Variants in CAB39L observed in about 807,000 individuals in gnomAD.
CAB39L encodes calcium binding protein 39 like, also known as calcium-binding protein 39-like.
In CAB39L, 23 loss-of-function variants were observed where a neutral mutation model predicts 39.1. The observed-to-expected ratio is 0.59, with a 90% CI of 0.42 to 0.83. The LOEUF (loss-of-function observed/expected upper bound fraction) is 0.83. CAB39L is among the 40% of genes least tolerant of loss of function. The pLI is 0.00. For missense variants in CAB39L, 366 were observed against 391.9 expected, an observed-to-expected ratio of 0.93 and a Z score of 0.56; for synonymous variants, 126 against 137.2, an observed-to-expected ratio of 0.92 and a Z score of 0.57.
At chr13:49,321,484 C>T (rs1381122122) in intron 10 of CAB39L, among the ~76,000 whole-genome samples, 1 of 152,092 alleles carries the variant, frequency 6.6e-6, no homozygotes, top group Non-Finnish European at 1.5e-5. Context: ...ACAATTTTTC[C>T]CCAATCTCCA....
intron 9 of CAB39L, among the ~76,000 whole-genome samples, chr13:49,333,732 C>A (rs986550313): frequency 1.3e-5 from 2 of 151,746 alleles, no homozygotes; most frequent in African/African-American, 2.4e-5. Flanking sequence ...CCACCATGCC[C>A]GGCTAATTTT....
chr13:49,344,734 G>A (rs936940384), intron 7 of CAB39L, among the ~76,000 whole-genome samples: 1 of 152,068 alleles, frequency 6.6e-6, no homozygotes, highest in Non-Finnish European at 1.5e-5. Context: ...GTGTTAGCCA[G>A]GATGGTCTCG....
chr13:49,334,994 G>T (rs1021794717), intron 9 of CAB39L, among the ~76,000 whole-genome samples: 1 of 152,104 alleles, frequency 6.6e-6, no homozygotes, highest in African/African-American at 2.4e-5. Context: ...CAAATAGTTG[G>T]AAAAGGGCAC....
chr13:49,342,773 G>C (rs1223826234), intron 8 of CAB39L, among the ~76,000 whole-genome samples: 2 of 152,114 alleles, frequency 1.3e-5, no homozygotes, highest in East Asian at 3.8e-4. Flanking sequence ...TCCAAACTGA[G>C]ATGTGCTGTA....
intron 6 of CAB39L, among the ~76,000 whole-genome samples, chr13:49,356,974 G>C (rs528436765): frequency 1.3e-5 from 2 of 151,920 alleles, no homozygotes; most frequent in African/African-American, 4.8e-5. Context: ...GCTTGAACCT[G>C]GGAGGGAGAG....
At chr13:49,424,420 A>C (rs892895954) in intron 3 of CAB39L, among the ~76,000 whole-genome samples, 3 of 152,216 alleles carry the variant, frequency 2.0e-5, no homozygotes, top group South Asian at 2.1e-4. Flanking sequence ...GGTCATAAAA[A>C]ACAAGGAACG....
At chr13:49,346,891 G>A (rs1289849093) in intron 7 of CAB39L, among the ~76,000 whole-genome samples, 2 of 152,094 alleles carry the variant, frequency 1.3e-5, no homozygotes, top group East Asian at 3.8e-4. Context: ...TGGTTGTATG[G>A]AATCCTTTTT....
intron 10 of CAB39L, among the ~76,000 whole-genome samples, chr13:49,326,547 T>C (rs2138372248): frequency 6.6e-6 from 1 of 152,312 alleles, no homozygotes; most frequent in Non-Finnish European, 1.5e-5. Flanking sequence ...CTTTGCACCC[T>C]ACGGAAGGTG....
intron 3 of CAB39L, among the ~76,000 whole-genome samples, chr13:49,430,822 G>A (rs1164927557): frequency 6.6e-6 from 1 of 152,118 alleles, no homozygotes; most frequent in African/African-American, 2.4e-5. Flanking sequence ...AGCCTAATTC[G>A]TAATTCCTGT....
chr13:49,396,099 A>AAAAAAAAAAAAC (rs1956617364), intron 3 of CAB39L, among the ~76,000 whole-genome samples: 1 of 151,052 alleles, frequency 6.6e-6, no homozygotes, highest in South Asian at 2.1e-4. Context: ...CTCTGTCTCA[A>AAAAAAAAAAAAC]AAAAAAAAAC....
chr13:49,398,210 T>C (rs574980640), intron 3 of CAB39L, among the ~76,000 whole-genome samples: 1 of 152,236 alleles, frequency 6.6e-6, no homozygotes, highest in East Asian at 1.9e-4. Context: ...GAGTTTCTGC[T>C]AGAAGTTTGA....
chr13:49,395,449 G>A (rs577257475), intron 3 of CAB39L, among the ~76,000 whole-genome samples: 17 of 152,112 alleles, frequency 1.1e-4, no homozygotes, highest in Admixed American at 1.0e-3. Flanking sequence ...GGCCAGGCTG[G>A]TCTGGAACTC....
At chr13:49,422,567 T>C (rs943543068) in intron 3 of CAB39L, among the ~76,000 whole-genome samples, 2 of 152,030 alleles carry the variant, frequency 1.3e-5, no homozygotes, top group Non-Finnish European at 2.9e-5. Flanking sequence ...AGCGAGACTC[T>C]GTCTCAAAAT....
At chr13:49,363,293 G>T (rs1269549219) in intron 5 of CAB39L, among the ~76,000 whole-genome samples, 2 of 152,116 alleles carry the variant, frequency 1.3e-5, no homozygotes, top group Non-Finnish European at 2.9e-5. Flanking sequence ...AACTTTTCAA[G>T]ATATAAACAG....
intron 3 of CAB39L, among the ~76,000 whole-genome samples, chr13:49,405,212 C>T (rs142724253): frequency 6.6e-6 from 1 of 151,922 alleles, no homozygotes; most frequent in Admixed American, 6.6e-5. Context: ...ATAAAGGAGC[C>T]CCAACACATC....
At chr13:49,412,422 A>AT (rs1452773876) in intron 3 of CAB39L, among the ~76,000 whole-genome samples, 1 of 151,938 alleles carries the variant, frequency 6.6e-6, no homozygotes, top group Non-Finnish European at 1.5e-5. Flanking sequence ...AATAATAAGC[A>AT]TTTTTTTCAT....
intron 3 of CAB39L, chr13:49,412,882 G>A (rs540076746): frequency 3.3e-5 from 5 of 152,510 alleles, no homozygotes; most frequent in Non-Finnish European, 7.3e-5. Flanking sequence ...GCGGAATTCA[G>A]ATGGTAATGC....
intron 1 of CAB39L, among the ~76,000 whole-genome samples, chr13:49,437,602 C>G (rs1957438133): frequency 6.6e-6 from 1 of 152,264 alleles, no homozygotes; most frequent in Non-Finnish European, 1.5e-5. Flanking sequence ...TCTTTTTTTA[C>G]AGTCTCCACC....
intron 10 of CAB39L, among the ~76,000 whole-genome samples, chr13:49,315,068 C>G (rs1318939241): frequency 3.9e-5 from 6 of 152,150 alleles, no homozygotes; most frequent in Non-Finnish European, 7.4e-5. Flanking sequence ...AAATCAAAGC[C>G]CACAAATCTG....
Sources: gnomAD v4.1 joint callset for allele counts (sites outside exome capture counted in the v4.1 genomes callset) on GRCh38, gnomAD v4.1.1 for gene constraint, MANE v1.5 for transcripts, NCBI Gene and HGNC (gene_info 2026-07-23, HGNC 2026-07-21) for gene names.